The following SRGAP3 variants were observed in gnomAD, a reference collection of about 807,000 sequenced individuals.
The protein encoded by SRGAP3 is SLIT-ROBO Rho GTPase-activating protein 3.
In SRGAP3, 39 loss-of-function variants were observed where a neutral mutation model predicts 121.1. The ratio of observed to expected loss-of-function variants is 0.32; its 90% CI spans 0.25 to 0.42. SRGAP3 has a LOEUF of 0.42. Among genes scored for constraint, SRGAP3 ranks in the 10% least tolerant of loss-of-function variants. SRGAP3 has a pLI of 1.00. For synonymous variants in SRGAP3, 601 were observed against 570.0 expected (o/e 1.05, Z -0.77); for missense variants, 1,213 against 1,470.6 (o/e 0.82, Z 2.86).
chr3:9,355,465 C>T (rs1233690607), intron 1 of SRGAP3, among the ~76,000 whole-genome samples: 2 of 152,224 alleles, frequency 1.3e-5, no homozygotes, highest in Non-Finnish European at 2.9e-5. Flanking sequence ...CCTGCTCACT[C>T]CTCTGCAGCC....
At chr3:9,300,669 CAGAAGGGAG>C (rs1393213616) in intron 3 of SRGAP3, among the ~76,000 whole-genome samples, 2 of 152,152 alleles carry the variant, frequency 1.3e-5, no homozygotes, top group African/African-American at 4.8e-5. Context: ...TGGTTCTCAA[CAGAAGGGAG>C]AGAGGGGAGA....
chr3:9,163,816 G>A (rs1950685341), intron 1 of SRGAP3, among the ~76,000 whole-genome samples: 1 of 152,012 alleles, frequency 6.6e-6, no homozygotes, highest in African/African-American at 2.4e-5. Context: ...ACTCCCAGTG[G>A]AAACCCTTGT....
At chr3:9,214,991 T>TAAAGGAC (rs978934786) in intron 1 of SRGAP3, among the ~76,000 whole-genome samples, 2 of 152,102 alleles carry the variant, frequency 1.3e-5, no homozygotes, top group Non-Finnish European at 1.5e-5. Flanking sequence ...CCTGGGAGGA[T>TAAAGGAC]AAAGTGAGGT....
intron 12 of SRGAP3, among the ~76,000 whole-genome samples, chr3:9,027,440 C>T (rs1944271807): frequency 2.0e-5 from 3 of 152,166 alleles, no homozygotes; most frequent in Non-Finnish European, 4.4e-5. Flanking sequence ...ATTAAGGGCA[C>T]ACCAGGGGGG....
chr3:9,208,060 G>C (rs1264553641), intron 1 of SRGAP3, among the ~76,000 whole-genome samples: 1 of 152,082 alleles, frequency 6.6e-6, no homozygotes, highest in African/African-American at 2.4e-5. Flanking sequence ...CAGACAGTGA[G>C]TCCTTTGAGT....
At chr3:9,081,045 G>A (rs1173960360) in intron 3 of SRGAP3, among the ~76,000 whole-genome samples, 2 of 152,120 alleles carry the variant, frequency 1.3e-5, no homozygotes, top group African/African-American at 4.8e-5. Flanking sequence ...CTGGTCCCTG[G>A]TGCAAAAAAG....
intron 2 of SRGAP3, among the ~76,000 whole-genome samples, chr3:9,114,436 T>C (rs1305184611): frequency 6.6e-6 from 1 of 152,198 alleles, no homozygotes; most frequent in Non-Finnish European, 1.5e-5. Flanking sequence ...TTCTCCTCCA[T>C]TACTACTTTC....
chr3:9,350,532 G>A (rs1410706873), intron 1 of SRGAP3, among the ~76,000 whole-genome samples: 1 of 152,198 alleles, frequency 6.6e-6, no homozygotes, highest in Non-Finnish European at 1.5e-5. Context: ...TGGCTAGGAG[G>A]GTCCCAGTAC....
intron 1 of SRGAP3, among the ~76,000 whole-genome samples, chr3:9,144,841 A>G (rs1299492694): frequency 6.6e-6 from 1 of 152,172 alleles, no homozygotes; most frequent in Non-Finnish European, 1.5e-5. Flanking sequence ...TGGTATACTC[A>G]CGTTTGGGGA....
chr3:9,361,243 C>T (rs769625694), intron 1 of SRGAP3, among the ~76,000 whole-genome samples: 9 of 152,170 alleles, frequency 5.9e-5, no homozygotes, highest in Non-Finnish European at 1.3e-4. Context: ...GCTGGGACTA[C>T]AGGTGAGTGT....
Position 8,985,651 on chromosome 3 carries a change from G to A in SRGAP3, c.3168C>T (p.Pro1056=), listed in dbSNP as rs545496383. ...GGACCACCGGCCGCACGGGCCGCATGGGGGGCGGGCGGAGCTGGGCGCCAG... is the reference window on the plus strand; with the variant it reads ...GGACCACCGGCCGCACGGGCCGCATAGGGGGCGGGCGGAGCTGGGCGCCAG... ...RLAGAQLRPP[P]MRPVRPVVQH... Residue 1056 remains proline, a synonymous_variant, in exon 22 of 22, where the codon CCC becomes CCT. Coordinates refer to ENST00000383836, the MANE Select transcript of SRGAP3 (RefSeq NM_014850.4). This position sits in a 1 kb window ranked among gnomAD's most constrained non-coding sequence, Gnocchi z 5.1. 2.5e-6 allele frequency: 4 copies of A among 1,595,488 alleles called. No homozygotes were observed. The highest frequency in any genetic ancestry group is 3.4e-6 in the Non-Finnish European group (4 of 1,177,906).
Position 8,985,653 on chromosome 3 carries a change from G to C in SRGAP3, c.3166C>G (p.Pro1056Ala), listed in dbSNP as rs766810764. ...RLAGAQLRPP[P>A]MRPVRPVVQH... ...ACCACCGGCCGCACGGGCCGCATGGGGGGCGGGCGGAGCTGGGCGCCAGCC... is the reference window on the plus strand; with the variant it reads ...ACCACCGGCCGCACGGGCCGCATGGCGGGCGGGCGGAGCTGGGCGCCAGCC... The change falls in exon 22 of 22, where the codon CCC (proline) becomes GCC (alanine). Residue 1056 changes from proline (P) to alanine (A), a missense_variant. Pro to Ala is a conservative substitution (Grantham distance 27, BLOSUM62 -1). Around this residue, in one of 2 missense-constraint regions of SRGAP3, gnomAD observed 420 missense variants for 437.7 expected, o/e 0.96. Coordinates refer to ENST00000383836, the MANE Select transcript of SRGAP3 (RefSeq NM_014850.4). This position sits in a 1 kb window ranked among gnomAD's most constrained non-coding sequence, Gnocchi z 5.1. The C allele has an allele frequency of 1.3e-6, 2 of 1,595,546 alleles. No individual in the cohort carries two copies. Among genetic ancestry groups the C allele is most frequent in the Non-Finnish European group, 8.5e-7 (1 of 1,177,940 alleles).
At position 9,052,904 on chromosome 3, in the gene SRGAP3, T is replaced by C. The variant is rs192942319; in HGVS notation, c.1323+123A>G. On this transcript the variant is annotated intron_variant, in intron 9 of 21. Coordinates refer to ENST00000383836, the MANE Select transcript of SRGAP3 (RefSeq NM_014850.4). The stretch of plus-strand genomic sequence containing the variant: ...CAACTTAATTTTAAAAGCATGGTGA[T>C]GGAGTCTTAGATCCAATTGACCCAT... 9.3e-5 allele frequency: 108 copies of C among 1,166,446 alleles called. No homozygotes were observed. The East Asian group carries it at 2.5e-3, about 27-fold the overall frequency. The allele number at this position is 1,166,446 out of a possible 1,614,324, so 72.3% of individuals were successfully genotyped here.
chr3:9,255,763 C>T (rs549971749), intron 3 of SRGAP3, among the ~76,000 whole-genome samples: 11 of 152,168 alleles, frequency 7.2e-5, no homozygotes, highest in Admixed American at 3.9e-4. Flanking sequence ...TGTCTGCTAA[C>T]GAAAACAATG....
chr3:9,163,589 G>C (rs931144955), intron 1 of SRGAP3, among the ~76,000 whole-genome samples: 1 of 152,220 alleles, frequency 6.6e-6, no homozygotes, highest in Non-Finnish European at 1.5e-5. Context: ...CAAAGCAGAG[G>C]GGGCAGGGGA....
rs1016814618 is a variant in SRGAP3 at position 9,109,187 on chromosome 3, C to T, written c.261-4345G>A. On this transcript the variant is annotated intron_variant, in intron 2 of 21. Transcript: ENST00000383836. This position sits in a 1 kb window ranked among gnomAD's most constrained non-coding sequence, Gnocchi z 4.4. ...CCTGGGAGGCAAGAAGTGAACAGCA[C>T]CAGGGAATTAAATTGTGCAAAATTA... Among the ~76,000 whole-genome samples the T allele has an allele frequency of 6.6e-6, 1 of 151,900 alleles. No individual in the cohort carries two copies. The highest frequency in any genetic ancestry group is 2.4e-5 in the African/African-American group (1 of 41,318).
intron 3 of SRGAP3, among the ~76,000 whole-genome samples, chr3:9,311,563 G>A (rs1955247878): frequency 6.6e-6 from 1 of 152,230 alleles, no homozygotes; most frequent in Non-Finnish European, 1.5e-5. Flanking sequence ...AATGCGTGTG[G>A]CTGCACCCAA....
At chr3:9,046,017 C>T (rs1234986343) in intron 10 of SRGAP3, among the ~76,000 whole-genome samples, 1 of 152,096 alleles carries the variant, frequency 6.6e-6, no homozygotes, top group Non-Finnish European at 1.5e-5. Flanking sequence ...TCCTCCACAC[C>T]CCCTTTACCC....
chr3:9,222,581 A>C (rs1194187389), intron 1 of SRGAP3, among the ~76,000 whole-genome samples: 1 of 152,222 alleles, frequency 6.6e-6, no homozygotes, highest in Non-Finnish European at 1.5e-5. Context: ...TCTATTAATG[A>C]TTTATCACCA....
Sources: allele counts gnomAD v4.1 joint callset (sites outside exome capture counted in the v4.1 genomes callset), GRCh38; gene constraint gnomAD v4.1.1; regional missense constraint gnomAD v4.1.1; non-coding constraint Gnocchi (gnomAD v3.1); transcripts MANE v1.5; gene names NCBI Gene and HGNC (gene_info 2026-07-23, HGNC 2026-07-21).